Variants in AQP3 observed in about 807,000 individuals in gnomAD.
AQP3 encodes aquaporin-3.
A neutral mutation model predicts 30.3 loss-of-function variants in AQP3; 15 were observed. That is an observed-to-expected ratio of 0.49 (90% CI 0.33 to 0.76). The LOEUF (loss-of-function observed/expected upper bound fraction) is 0.76. AQP3 is among the 30% of genes least tolerant of loss of function. AQP3 has a pLI of 0.02. For synonymous variants in AQP3, 153 were observed against 163.2 expected, an observed-to-expected ratio of 0.94 and a Z score of 0.47; for missense variants, 272 against 384.8, an observed-to-expected ratio of 0.71 and a Z score of 2.45.
Position 33,443,356 on chromosome 9 carries a change from A to G in AQP3, c.338T>C (p.Phe113Ser). Residue 113 changes from phenylalanine to serine, a missense_variant, in exon 3 of 6, where the codon TTC becomes TCC. Physicochemically the swap from Phe to Ser is radical, Grantham distance 155. Around this residue, in one of 3 missense-constraint regions of AQP3, gnomAD observed 170 missense variants for 286.4 expected, o/e 0.59. Coordinates refer to ENST00000297991, the MANE Select transcript of AQP3 (RefSeq NM_004925.5). The surrounding 1 kb of genome is among the most constrained non-coding windows in gnomAD (Gnocchi z 5.0). The part of the protein sequence containing the change: ...IYTLAQTLGA[F>S]LGAGIVFGLY... The stretch of plus-strand genomic sequence containing the variant: ...CCCAAAAACTATTCCAGCACCCAAG[A>G]AGGCTCCCAGCGTCTGTGCCAGGGT... 6.3e-7 allele frequency: 1 copy of G among 1,593,564 alleles called. No homozygotes were observed. Among genetic ancestry groups the G allele is most frequent in the East Asian group, 2.3e-5 (1 of 43,944 alleles).
At position 33,443,108 on chromosome 9, in the gene AQP3, G is replaced by A. The variant is rs2231228; in HGVS notation, c.374-138C>T. 0.21 allele frequency: 217,209 copies of A among 1,043,484 alleles called. 25,439 individuals carry two copies. Among genetic ancestry groups the A allele is most frequent in the Admixed American group, 0.32 (16,486 of 50,840 alleles). The allele number at this position is 1,043,484 out of a possible 1,614,324, so 64.6% of individuals were successfully genotyped here. On this transcript the variant is annotated intron_variant, in intron 3 of 5. Transcript: ENST00000297991. The surrounding 1 kb of genome is among the most constrained non-coding windows in gnomAD (Gnocchi z 5.0). ...TGTATTGCAGCAGGCAGAGGGGGTG[G>A]CGTGGGGTGGGGTGGAGGGCCTGAG...
chr9:33,442,247 G>C (rs2118965915), intron 5 of AQP3, 36 bp from the exon 6 acceptor site: 1 of 1,611,598 alleles, frequency 6.2e-7, no homozygotes, highest in Admixed American at 1.7e-5. Context: ...GGGACATGGG[G>C]GGCAGGGCAG....
At position 33,442,414 on chromosome 9, in the gene AQP3, G is replaced by A. The variant is rs1202773580; in HGVS notation, c.597C>T (p.Val199=). ...GLEAFTVGLV[V]LVIGTSMGFN... ...AGCCCATGGAGGTGCCAATGACCAG[G>A]ACCACCAGGCCCACGGTGAAGGCCT... The change falls in exon 5 of 6, where the codon GTC becomes GTT. Residue 199 remains valine (V), a synonymous_variant. Coordinates refer to ENST00000297991, the MANE Select transcript of AQP3 (RefSeq NM_004925.5). The A allele has an allele frequency of 1.2e-6, 2 of 1,611,856 alleles. No homozygotes were observed. Among genetic ancestry groups the A allele is most frequent in the East Asian group, 2.2e-5 (1 of 44,786 alleles).
At position 33,441,678 on chromosome 9, in the gene AQP3, T is replaced by A; in HGVS notation, c.*365A>T. 2.4e-6 allele frequency: 1 copy of A among 419,280 alleles called. No homozygotes were observed. The highest frequency in any genetic ancestry group is 7.4e-5 in the South Asian group (1 of 13,512). 26.0% of individuals were successfully genotyped at this position (419,280 alleles called of 1,614,324 possible). On this transcript the variant is annotated 3_prime_UTR_variant, in exon 6 of 6. Coordinates refer to ENST00000297991, the MANE Select transcript of AQP3 (RefSeq NM_004925.5). Reference sequence around the variant, plus strand: ...CCCAATAGCCAGAATCCCTTCCGACTGGTCCCTTGCCCTGAATATCTGGGA... The same window carrying A: ...CCCAATAGCCAGAATCCCTTCCGACAGGTCCCTTGCCCTGAATATCTGGGA...
Position 33,441,865 on chromosome 9 carries a change from C to A in AQP3, c.*178G>T, listed in dbSNP as rs1292233429. The A allele has an allele frequency of 9.8e-7, 1 of 1,018,374 alleles. No homozygotes were observed. Among genetic ancestry groups the A allele is most frequent in the African/African-American group, 1.6e-5 (1 of 62,384 alleles). 63.1% of individuals were successfully genotyped at this position (1,018,374 alleles called of 1,614,324 possible). A position where few individuals can be genotyped will look rare whatever the true frequency, so the allele number is the denominator to read the frequency against. On this transcript the variant is annotated 3_prime_UTR_variant, in exon 6 of 6. Coordinates refer to ENST00000297991, the MANE Select transcript of AQP3 (RefSeq NM_004925.5). ...AGCTTAGGGGCAGTGGCCTAAGGTG[C>A]TATTTGGGCAAGGTCCAGTGGAAAT...
intron 1 of AQP3, among the ~76,000 whole-genome samples, chr9:33,446,398 C>T (rs1320239692): frequency 6.6e-6 from 1 of 152,182 alleles, no homozygotes; most frequent in Non-Finnish European, 1.5e-5. Context: ...GCTTCCTAGT[C>T]CACAGTGGGC....
At position 33,441,720 on chromosome 9, in the gene AQP3, C is replaced by A; in HGVS notation, c.*323G>T. On this transcript the variant is annotated 3_prime_UTR_variant, in exon 6 of 6. Transcript: ENST00000297991. ...TATCTGGGAACCCCCCCCACACACA[C>A]ACACCCCTGCACACACATGCACACA... The A allele has an allele frequency of 2.2e-6, 1 of 451,488 alleles. No homozygotes were observed. Among genetic ancestry groups the A allele is most frequent in the Non-Finnish European group, 3.9e-6 (1 of 259,412 alleles). The allele number at this position is 451,488 out of a possible 1,614,324, so 28.0% of individuals were successfully genotyped here.
At chr9:33,444,581 C>T (rs1202134772) in intron 1 of AQP3, among the ~76,000 whole-genome samples, 3 of 140,832 alleles carry the variant, frequency 2.1e-5, no homozygotes, top group African/African-American at 8.1e-5. Flanking sequence ...GCCTGGGCGA[C>T]AGAGCGGGAC....
Position 33,442,839 on chromosome 9 carries a change from C to T in AQP3, c.492+13G>A. 1.9e-6 allele frequency: 3 copies of T among 1,611,720 alleles called. No homozygotes were observed. The highest frequency in any genetic ancestry group is 1.7e-6 in the Non-Finnish European group (2 of 1,177,792). On this transcript the variant is annotated intron_variant, in intron 4 of 5. Coordinates refer to ENST00000297991, the MANE Select transcript of AQP3 (RefSeq NM_004925.5). ...CCCTCCCTGCGTTCCCCTCACACGT[C>T]CCCAGCCCATACCTGGTCAAAGAAG...
chr9:33,443,521 C>T lies in AQP3; in HGVS notation c.236-63G>A. The stretch of plus-strand genomic sequence containing the variant: ...TGCCACAGTCGGCAGGCTAGGGTCC[C>T]CTGAGAAGGGGTGCAGAGAGGGGTT... On this transcript the variant is annotated intron_variant, in intron 2 of 5. Coordinates refer to ENST00000297991, the MANE Select transcript of AQP3 (RefSeq NM_004925.5). The surrounding 1 kb of genome is among the most constrained non-coding windows in gnomAD (Gnocchi z 5.0). 1 of 1,580,804 alleles carries T rather than the reference C, an allele frequency of 6.3e-7. No individual in the cohort carries two copies. Among genetic ancestry groups the T allele is most frequent in the Admixed American group, 1.8e-5 (1 of 54,960 alleles).
rs1826865893 is a variant in AQP3 at position 33,443,211 on chromosome 9, GC to G, written c.373+109del. The stretch of plus-strand genomic sequence containing the variant: ...CTGTGCGTGAATGAGTGAGTCATGA[GC>G]CCGGGGCCTGGGCAGGTCCTAGCCG... On this transcript the variant is annotated intron_variant, in intron 3 of 5. Transcript: ENST00000297991. The surrounding 1 kb of genome is among the most constrained non-coding windows in gnomAD (Gnocchi z 5.0). The G allele has an allele frequency of 2.1e-6, 3 of 1,462,228 alleles. No individual in the cohort carries two copies. The highest frequency in any genetic ancestry group is 2.8e-6 in the Non-Finnish European group (3 of 1,067,854). 90.6% of individuals were successfully genotyped at this position (1,462,228 alleles called of 1,614,324 possible). A position where few individuals can be genotyped will look rare whatever the true frequency, so the allele number is the denominator to read the frequency against.
chr9:33,441,772 T>C lies in AQP3; in HGVS notation c.*271A>G. On this transcript the variant is annotated 3_prime_UTR_variant, in exon 6 of 6. Transcript: ENST00000297991. ...ATGCACACACATGCACACACACACA[T>C]ACCTGCTGCCCATTCTCTTCCCTTG... is the stretch of plus-strand genomic sequence containing the variant. 1 of 588,768 alleles carries C rather than the reference T, an allele frequency of 1.7e-6. No individual in the cohort carries two copies. The highest frequency in any genetic ancestry group is 2.2e-5 in the South Asian group (1 of 46,118). 36.5% of individuals were successfully genotyped at this position (588,768 alleles called of 1,614,324 possible). A position where few individuals can be genotyped will look rare whatever the true frequency, so the allele number is the denominator to read the frequency against.
At position 33,443,942 on chromosome 9, in the gene AQP3, T is replaced by C; in HGVS notation, c.109-50A>G. On this transcript the variant is annotated intron_variant, in intron 1 of 5. Transcript: ENST00000297991. This position sits in a 1 kb window ranked among gnomAD's most constrained non-coding sequence, Gnocchi z 5.0. ...GAGGGTGAGGACCAGCAACTCTCAC[T>C]CCAGAAGGAAGGGGTGAAGCCAGCA... 1 of 1,598,166 alleles carries C rather than the reference T, an allele frequency of 6.3e-7. No individual in the cohort carries two copies. Among genetic ancestry groups the C allele is most frequent in the Non-Finnish European group, 8.5e-7 (1 of 1,170,374 alleles).
At position 33,442,911 on chromosome 9, in the gene AQP3, C is replaced by A. The variant is rs777633399; in HGVS notation, c.433G>T (p.Gly145Cys). ...LFVSGPNGTA[G>C]IFATYPSGHL... is the part of the protein sequence containing the mutation. Reference sequence around the variant, plus strand: ...CCAGAGGGGTAGGTAGCAAAGATGCCGGCTGTGCCATTGGGGCCCGAAACA... The same window carrying A: ...CCAGAGGGGTAGGTAGCAAAGATGCAGGCTGTGCCATTGGGGCCCGAAACA... Residue 145 changes from glycine (G) to cysteine (C), a missense_variant, in exon 4 of 6, where the codon GGC becomes TGC. Transcript: ENST00000297991. 8 of 1,614,162 alleles carry A rather than the reference C, an allele frequency of 5.0e-6. No individual in the cohort carries two copies. Among genetic ancestry groups the A allele is most frequent in the Non-Finnish European group, 6.8e-6 (8 of 1,180,020 alleles).
chr9:33,443,778 C>T lies in AQP3; in HGVS notation c.223G>A (p.Gly75Ser), dbSNP rs765960239. 3.1e-6 allele frequency: 5 copies of T among 1,613,842 alleles called. No homozygotes were observed. In the African/African-American group the frequency reaches 6.7e-5, roughly 22 times the overall value. Residue 75 changes from glycine (G) to serine (S), a missense_variant, in exon 2 of 6, where the codon GGC (glycine) becomes AGC (serine). Coordinates refer to ENST00000297991, the MANE Select transcript of AQP3 (RefSeq NM_004925.5). This position sits in a 1 kb window ranked among gnomAD's most constrained non-coding sequence, Gnocchi z 5.0. ...FAVTLGILIAGQVSGAHLNPA... is the reference protein window; with the variant it reads ...FAVTLGILIASQVSGAHLNPA... Reference sequence around the variant, plus strand: ...GTTAAGGCCTTACCAGAGACCTGGCCAGCGATGAGGATGCCCAGAGTGACA... The same window carrying T: ...GTTAAGGCCTTACCAGAGACCTGGCTAGCGATGAGGATGCCCAGAGTGACA...
chr9:33,443,956 G>A lies in AQP3; in HGVS notation c.109-64C>T, dbSNP rs1712553135. On this transcript the variant is annotated intron_variant, in intron 1 of 5. Transcript: ENST00000297991. This position sits in a 1 kb window ranked among gnomAD's most constrained non-coding sequence, Gnocchi z 5.0. Reference sequence around the variant, plus strand: ...GCAACTCTCACTCCAGAAGGAAGGGGTGAAGCCAGCAACATGCCCACTCGC... The same window carrying A: ...GCAACTCTCACTCCAGAAGGAAGGGATGAAGCCAGCAACATGCCCACTCGC... The A allele has an allele frequency of 1.0e-5, 16 of 1,580,712 alleles. No individual in the cohort carries two copies. The highest frequency in any genetic ancestry group is 1.0e-5 in the Non-Finnish European group (12 of 1,159,542).
In AQP3 at chr9:33,443,359, G is replaced by T. The variant is rs1339268891; in HGVS notation, c.335C>A (p.Ala112Asp). 1 of 1,594,210 alleles carries T rather than the reference G, an allele frequency of 6.3e-7. No individual in the cohort carries two copies. The highest frequency in any genetic ancestry group is 1.1e-5 in the South Asian group (1 of 87,844). Residue 112 changes from alanine (A) to aspartate (D), a missense_variant, in exon 3 of 6, where the codon GCC (alanine) becomes GAC (aspartate). Transcript: ENST00000297991. The surrounding 1 kb of genome is among the most constrained non-coding windows in gnomAD (Gnocchi z 5.0). Reference protein sequence around the residue: ...PIYTLAQTLGAFLGAGIVFGL... With the variant: ...PIYTLAQTLGDFLGAGIVFGL... ...AAAAACTATTCCAGCACCCAAGAAG[G>T]CTCCCAGCGTCTGTGCCAGGGTGTA...
At position 33,443,116 on chromosome 9, in the gene AQP3, TG is replaced by T; in HGVS notation, c.374-147del. The T allele has an allele frequency of 2.0e-6, 2 of 1,018,520 alleles. No individual in the cohort carries two copies. The highest frequency in any genetic ancestry group is 1.5e-6 in the Non-Finnish European group (1 of 674,660). The allele number at this position is 1,018,520 out of a possible 1,614,324, so 63.1% of individuals were successfully genotyped here. ...AGCAGGCAGAGGGGGTGGCGTGGGG[TG>T]GGGTGGAGGGCCTGAGACTCTGTTA... On this transcript the variant is annotated intron_variant, in intron 3 of 5. Transcript: ENST00000297991. The surrounding 1 kb of genome is among the most constrained non-coding windows in gnomAD (Gnocchi z 5.0).
Position 33,441,704 on chromosome 9 carries a change from A to ACC in AQP3, c.*337_*338dup, listed in dbSNP as rs58994930. ...GGTCCCTTGCCCTGAATATCTGGGAACCCCCCCCACACACACACACCCCTG... is the reference window on the plus strand; with the variant it reads ...GGTCCCTTGCCCTGAATATCTGGGAACCCCCCCCCCACACACACACACCCCTG... On this transcript the variant is annotated 3_prime_UTR_variant, in exon 6 of 6. Coordinates refer to ENST00000297991, the MANE Select transcript of AQP3 (RefSeq NM_004925.5). 335 of 386,780 alleles carry ACC rather than the reference A, an allele frequency of 8.7e-4. 1 individual carries two copies. The highest frequency in any genetic ancestry group is 1.5e-3 in the African/African-American group (52 of 34,974). 24.0% of individuals were successfully genotyped at this position (386,780 alleles called of 1,614,324 possible).
Sources: gnomAD v4.1 joint callset for allele counts (sites outside exome capture counted in the v4.1 genomes callset) on GRCh38, gnomAD v4.1.1 for gene constraint, gnomAD v4.1.1 regional missense constraint, Gnocchi (gnomAD v3.1) non-coding constraint, MANE v1.5 for transcripts, NCBI Gene and HGNC (gene_info 2026-07-23, HGNC 2026-07-21) for gene names.